Variants in MACC1 observed in about 807,000 individuals in gnomAD.
The protein encoded by MACC1 is metastasis-associated in colon cancer protein 1.
In MACC1, 79 loss-of-function variants were observed where a neutral mutation model predicts 70.7. The ratio of observed to expected loss-of-function variants is 1.12; its 90% CI spans 0.93 to 1.35. The LOEUF (loss-of-function observed/expected upper bound fraction) is 1.35, where lower values mean the gene tolerates loss of function less well. MACC1 is among the 40% of genes most tolerant of loss of function. MACC1 has a pLI of 0.00. For missense variants in MACC1, 1,106 were observed against 978.1 expected (o/e 1.13, Z -1.74); for synonymous variants, 361 against 347.2 (o/e 1.04, Z -0.44).
At chr7:20,162,081 C>T (rs992565234) in intron 3 of MACC1, among the ~76,000 whole-genome samples, 1 of 151,876 alleles carries the variant, frequency 6.6e-6, no homozygotes, top group Non-Finnish European at 1.5e-5. Flanking sequence ...AGATTAATAC[C>T]AATAACCAAA....
chr7:20,140,824 C>T lies in MACC1; in HGVS notation c.*122G>A. ...TCCTACACACACACACACACACACACAGACACACACACACAGACACACACA... is the reference window on the plus strand; with the variant it reads ...TCCTACACACACACACACACACACATAGACACACACACACAGACACACACA... On this transcript the variant is annotated 3_prime_UTR_variant, in exon 7 of 7. Coordinates refer to ENST00000400331, the MANE Select transcript of MACC1 (RefSeq NM_182762.4). 1 of 563,364 alleles carries T rather than the reference C, an allele frequency of 1.8e-6. No homozygotes were observed. Among genetic ancestry groups the T allele is most frequent in the Non-Finnish European group, 2.9e-6 (1 of 344,422 alleles). The allele number at this position is 563,364 out of a possible 1,614,324, so 34.9% of individuals were successfully genotyped here.
rs188366440 is a variant in MACC1 at position 20,187,072 on chromosome 7, T to C, written c.-217-16294A>G. Among the ~76,000 whole-genome samples, 176 of 152,336 alleles carry C rather than the reference T, an allele frequency of 1.2e-3. 3 individuals carry two copies. The highest frequency in any genetic ancestry group is 1.6e-3 in the Non-Finnish European group (106 of 68,020). On this transcript the variant is annotated intron_variant, in intron 1 of 6. Coordinates refer to ENST00000400331, the MANE Select transcript of MACC1 (RefSeq NM_182762.4). ...ATTTTTTGAATTTACAGTGGACTTA[T>C]TGGGATGTAACCCAAGCATAAGTGA...
Position 20,160,016 on chromosome 7 carries a change from G to A in MACC1, c.345C>T (p.Ser115=). The A allele has an allele frequency of 1.2e-6, 2 of 1,611,568 alleles. No individual in the cohort carries two copies. Among genetic ancestry groups the A allele is most frequent in the South Asian group, 1.1e-5 (1 of 90,558 alleles). The change falls in exon 5 of 7, where the codon TCC becomes TCT. Residue 115 remains serine, a synonymous_variant. Coordinates refer to ENST00000400331, the MANE Select transcript of MACC1 (RefSeq NM_182762.4). ...GATGCACATCAAGTTCATCACCGGA[G>A]GAATCAAAAGAATTTCCATTTTCTA... The part of the protein sequence containing the change: ...REIENGNSFD[S]SGDELDVHQL...
intron 1 of MACC1, among the ~76,000 whole-genome samples, chr7:20,205,231 A>G (rs1782894104): frequency 6.6e-6 from 1 of 152,252 alleles, no homozygotes; most frequent in South Asian, 2.1e-4. Flanking sequence ...GAGGAAAGTA[A>G]GTCAAAAGCT....
chr7:20,185,717 A>G (rs1583403034), intron 1 of MACC1, among the ~76,000 whole-genome samples: 2 of 152,322 alleles, frequency 1.3e-5, no homozygotes, highest in Admixed American at 1.3e-4. Context: ...CGTTAACTTA[A>G]ATCTTCAGAA....
chr7:20,158,358 G>A lies in MACC1; in HGVS notation c.2003C>T (p.Ala668Val). The part of the protein sequence containing the change: ...SEKVYDWKVL[A>V]DVLGYSHLSL... Reference sequence around the variant, plus strand: ...CAGATGTGAGTAACCCAGGACATCAGCTAAAACTTTCCAATCATAAACTTT... The same window carrying A: ...CAGATGTGAGTAACCCAGGACATCAACTAAAACTTTCCAATCATAAACTTT... The change falls in exon 5 of 7, where the codon GCT becomes GTT. Residue 668 changes from alanine (A) to valine (V), a missense_variant. Transcript: ENST00000400331. 6.2e-7 allele frequency: 1 copy of A among 1,613,766 alleles called. No individual in the cohort carries two copies. The highest frequency in any genetic ancestry group is 1.1e-5 in the South Asian group (1 of 91,032).
At chr7:20,142,635 C>T (rs184426027) in intron 6 of MACC1, among the ~76,000 whole-genome samples, 14 of 152,272 alleles carry the variant, frequency 9.2e-5, no homozygotes, top group Admixed American at 9.2e-4. Context: ...AGTACAATTG[C>T]CACTAGTTTC....
intron 1 of MACC1, among the ~76,000 whole-genome samples, chr7:20,191,409 G>C (rs1782670619): frequency 6.6e-6 from 1 of 152,180 alleles, no homozygotes; most frequent in Non-Finnish European, 1.5e-5. Context: ...GGACAGCTGG[G>C]ATGAAGTGTG....
rs564452595 is a variant in MACC1, at chr7:20,159,179, A to G, written c.1182T>C (p.Asn394=). The G allele has an allele frequency of 1.2e-6, 2 of 1,614,070 alleles. No homozygotes were observed. The highest frequency in any genetic ancestry group is 2.7e-5 in the African/African-American group (2 of 75,052). The change falls in exon 5 of 7, where the codon AAT becomes AAC. Residue 394 remains asparagine (N), a synonymous_variant. Coordinates refer to ENST00000400331, the MANE Select transcript of MACC1 (RefSeq NM_182762.4). The part of the protein sequence containing the change: ...FTVVLTVCGH[N]YMPGQLTISD... ...AAATTGTAAGCTGTCCTGGCATATA[A>G]TTGTGTCCACAAACTGTTAAAACAA...
At chr7:20,164,584 T>C (rs978945654) in intron 2 of MACC1, among the ~76,000 whole-genome samples, 185 bp from the exon 3 acceptor site, 3 of 152,202 alleles carry the variant, frequency 2.0e-5, no homozygotes, top group Non-Finnish European at 4.4e-5. Context: ...CTTTCCCTGA[T>C]TGGGGAAACT....
chr7:20,150,224 C>A (rs1240252234), intron 6 of MACC1, among the ~76,000 whole-genome samples: 1 of 152,066 alleles, frequency 6.6e-6, no homozygotes, highest in Non-Finnish European at 1.5e-5. Context: ...AAAAAATAAT[C>A]ATATTGTGTG....
At chr7:20,207,784 A>G (rs1470436035) in intron 1 of MACC1, among the ~76,000 whole-genome samples, 1 of 152,212 alleles carries the variant, frequency 6.6e-6, no homozygotes, top group Admixed American at 6.5e-5. Flanking sequence ...ATATTACATA[A>G]CTTTTATAAA....
chr7:20,180,420 C>T (rs371821037), intron 1 of MACC1, among the ~76,000 whole-genome samples: 13 of 143,144 alleles, frequency 9.1e-5, no homozygotes, highest in African/African-American at 2.9e-4. Flanking sequence ...TTCAGCCTTG[C>T]GACAAAGCAA....
intron 1 of MACC1, among the ~76,000 whole-genome samples, chr7:20,196,664 CATTA>C (rs1440715821): frequency 1.3e-5 from 2 of 151,770 alleles, no homozygotes; most frequent in African/African-American, 4.8e-5. Context: ...TATATATTAT[CATTA>C]ATTGTCATAG....
In MACC1 at chr7:20,166,565, A is replaced by C. The variant is rs80292334; in HGVS notation, c.-152-2166T>G. 5.1e-3 allele frequency among the ~76,000 whole-genome samples: 772 copies of C among 152,336 alleles called. 4 individuals are homozygous for C. The highest frequency in any genetic ancestry group is 0.018 in the African/African-American group (742 of 41,570). On this transcript the variant is annotated intron_variant, in intron 2 of 6. Transcript: ENST00000400331. ...AGTTATTAAATACTTCAAGTGTTGC[A>C]GCTGATGATTCTGACCAAATATTTA...
Position 20,141,078 on chromosome 7 carries a change from G to A in MACC1, c.2427C>T (p.Asp809=), listed in dbSNP as rs745543723. The A allele has an allele frequency of 1.2e-6, 2 of 1,613,702 alleles. No individual in the cohort carries two copies. The highest frequency in any genetic ancestry group is 1.7e-6 in the Non-Finnish European group (2 of 1,179,776). ...YGNNYRDVLQ[D]LQSALDRMKN... ...TCATTCTGTCCAAAGCTGACTGAAG[G>A]TCTTGTAACACATCTCTGTAGTTAT... Residue 809 remains aspartate (D), a synonymous_variant, in exon 7 of 7, where the codon GAC becomes GAT. Transcript: ENST00000400331.
chr7:20,201,720 G>T (rs1446388753), intron 1 of MACC1, among the ~76,000 whole-genome samples: 1 of 152,208 alleles, frequency 6.6e-6, no homozygotes, highest in Admixed American at 6.5e-5. Context: ...AGAATGGAGA[G>T]AAGTGGACAG....
chr7:20,180,573 C>T (rs1782488322), intron 1 of MACC1, among the ~76,000 whole-genome samples: 1 of 151,024 alleles, frequency 6.6e-6, no homozygotes, highest in Non-Finnish European at 1.5e-5. Context: ...TGCCTGGGCG[C>T]AGTGGCCACG....
chr7:20,200,833 G>C (rs1782822867), intron 1 of MACC1, among the ~76,000 whole-genome samples: 1 of 152,142 alleles, frequency 6.6e-6, no homozygotes, highest in Admixed American at 6.5e-5. Flanking sequence ...AAGAATACCT[G>C]AGTACCATAC....
Sources: gnomAD v4.1 joint callset for allele counts (sites outside exome capture counted in the v4.1 genomes callset) on GRCh38, gnomAD v4.1.1 for gene constraint, MANE v1.5 for transcripts, NCBI Gene and HGNC (gene_info 2026-07-23, HGNC 2026-07-21) for gene names.